PCDHGA1: variants seen among roughly 807,000 people sequenced by gnomAD.
PCDHGA1 encodes the protein protocadherin gamma subfamily A, 1.
PCDHGA1 carries 32 observed loss-of-function variants against 58.0 expected under a neutral mutation model. The ratio of observed to expected loss-of-function variants is 0.55; its 90% CI spans 0.42 to 0.74. The LOEUF is 0.74. Among genes scored for constraint, PCDHGA1 ranks in the 30% least tolerant of loss-of-function variants. The probability of loss-of-function intolerance (pLI) is 0.00; values close to 1 mark genes in which losing one functional copy is unlikely to be tolerated. For missense variants in PCDHGA1, 1,205 were observed against 1,182.3 expected (o/e 1.02, Z -0.28); for synonymous variants, 498 against 501.1 (o/e 0.99, Z 0.08).
At chr5:141,450,587 A>G (rs1396203849) in intron 1 of PCDHGA1, among the ~76,000 whole-genome samples, 1 of 151,720 alleles carries the variant, frequency 6.6e-6, no homozygotes, top group East Asian at 1.9e-4. Flanking sequence ...CCCAGGTTCA[A>G]GCAATTCTCC....
chr5:141,400,402 G>T (rs574141234), intron 1 of PCDHGA1: 2 of 1,614,056 alleles, frequency 1.2e-6, no homozygotes, highest in South Asian at 2.2e-5. Context: ...AGGAAAGACG[G>T]AGTTTAATTT....
chr5:141,357,700 A>G (rs1760703267), intron 1 of PCDHGA1: 1 of 1,495,926 alleles, frequency 6.7e-7, no homozygotes, highest in Non-Finnish European at 9.0e-7. Context: ...TTTTATATGT[A>G]ATATATCAAA....
intron 1 of PCDHGA1, chr5:141,395,325 G>T (rs1261775810): frequency 6.8e-7 from 1 of 1,473,892 alleles, no homozygotes; most frequent in Admixed American, 2.5e-5. Context: ...GAAGATAGTT[G>T]AAAATAATTT....
chr5:141,508,451 C>T (rs1245251907), intron 3 of PCDHGA1, among the ~76,000 whole-genome samples: 1 of 152,180 alleles, frequency 6.6e-6, no homozygotes, highest in Admixed American at 6.5e-5. Flanking sequence ...AGTGGCAGAG[C>T]AGAGCAAATA....
intron 1 of PCDHGA1, chr5:141,356,550 C>G (rs954388230): frequency 5.6e-6 from 9 of 1,614,054 alleles, no homozygotes; most frequent in Non-Finnish European, 7.6e-6. Flanking sequence ...ACAACCCACC[C>G]ACTTTCCCTC....
chr5:141,407,135 GA>G (rs796659459), intron 1 of PCDHGA1, among the ~76,000 whole-genome samples: 93 of 151,930 alleles, frequency 6.1e-4, no homozygotes, highest in African/African-American at 2.2e-3. Flanking sequence ...TTATTTTTAA[GA>G]AAAAAAAGCT....
chr5:141,357,787 T>G lies in PCDHGA1; in HGVS notation c.2421+24682T>G, dbSNP rs1268213946. Reference sequence around the variant, plus strand: ...CCTTCCAATAATGATCAACAGTATTTACCACACAAAAATGTTGTTTATTAC... The same window carrying G: ...CCTTCCAATAATGATCAACAGTATTGACCACACAAAAATGTTGTTTATTAC... On this transcript the variant is annotated intron_variant, in intron 1 of 3. Coordinates refer to ENST00000517417, the MANE Select transcript of PCDHGA1 (RefSeq NM_018912.3). 7 of 844,904 alleles carry G rather than the reference T, an allele frequency of 8.3e-6. No homozygotes were observed. In the Admixed American group the frequency reaches 1.5e-4, roughly 18 times the overall value. 52.3% of individuals were successfully genotyped at this position (844,904 alleles called of 1,614,324 possible).
chr5:141,419,522 C>A, intron 1 of PCDHGA1: 4 of 1,612,178 alleles, frequency 2.5e-6, no homozygotes, highest in Non-Finnish European at 3.4e-6. Context: ...GGTGGGCGAC[C>A]GTAACGACAA....
At chr5:141,346,365 A>G (rs777812377) in intron 1 of PCDHGA1, 2 of 1,614,246 alleles carry the variant, frequency 1.2e-6, no homozygotes. Context: ...CTATGCGGAC[A>G]CGCTCATCAG....
chr5:141,344,603 G>GT, intron 1 of PCDHGA1: 1 of 1,613,990 alleles, frequency 6.2e-7, no homozygotes, highest in Admixed American at 1.7e-5. Context: ...AGGGGGCCAA[G>GT]TATCCAGAGC....
chr5:141,366,268 C>G, intron 1 of PCDHGA1: 2 of 1,613,720 alleles, frequency 1.2e-6, no homozygotes, highest in Non-Finnish European at 1.7e-6. Flanking sequence ...TGGTGGCCGT[C>G]GAAGACCATG....
At chr5:141,370,896 C>G in intron 1 of PCDHGA1, 1 of 1,614,040 alleles carries the variant, frequency 6.2e-7, no homozygotes, top group Non-Finnish European at 8.5e-7. Context: ...CAATTCGCTG[C>G]AGCAGTACTA....
At chr5:141,348,551 T>C (rs1372189224) in intron 1 of PCDHGA1, among the ~76,000 whole-genome samples, 1 of 152,218 alleles carries the variant, frequency 6.6e-6, no homozygotes, top group African/African-American at 2.4e-5. Flanking sequence ...CTAAGAATTC[T>C]ATATGAAACA....
chr5:141,405,431 T>C (rs1308544171), intron 1 of PCDHGA1: 18 of 1,490,646 alleles, frequency 1.2e-5, no homozygotes, highest in Non-Finnish European at 1.6e-5. Context: ...TGTTTTGTTT[T>C]GTTTTTGAGA....
intron 1 of PCDHGA1, chr5:141,344,306 C>G (rs1434323489): frequency 1.2e-6 from 2 of 1,614,044 alleles, no homozygotes; most frequent in Non-Finnish European, 8.5e-7. Context: ...AGAGGATAGA[C>G]CGGGAGGAGC....
intron 1 of PCDHGA1, chr5:141,352,807 T>C (rs1759114725): frequency 1.2e-6 from 1 of 866,934 alleles, no homozygotes; most frequent in Non-Finnish European, 1.7e-6. Context: ...ATAGCCAAGA[T>C]GGTAAAACCC....
intron 1 of PCDHGA1, chr5:141,384,884 T>C (rs759644846): frequency 6.2e-7 from 1 of 1,613,846 alleles, no homozygotes; most frequent in East Asian, 2.2e-5. Context: ...ACACTCACCG[T>C]GGCTGTGGCT....
chr5:141,413,230 C>T (rs2095618383), intron 1 of PCDHGA1: 4 of 1,613,826 alleles, frequency 2.5e-6, no homozygotes, highest in Non-Finnish European at 3.4e-6. Flanking sequence ...CGGGCTGGTC[C>T]TGCTCTGCCT....
At position 141,356,330 on chromosome 5, in the gene PCDHGA1, G is replaced by A. The variant is rs1191042860; in HGVS notation, c.2421+23225G>A. On this transcript the variant is annotated intron_variant, in intron 1 of 3. Coordinates refer to ENST00000517417, the MANE Select transcript of PCDHGA1 (RefSeq NM_018912.3). ...TTCAACGTGCATGACAGTGACTCAG[G>A]AGGAAATGGCCTAGTCACATGTTCT... 5 of 1,554,374 alleles carry A rather than the reference G, an allele frequency of 3.2e-6. No individual in the cohort carries two copies. In the South Asian group the frequency reaches 3.5e-5, roughly 11 times the overall value.
Sources: gnomAD v4.1 joint callset for allele counts (sites outside exome capture counted in the v4.1 genomes callset) on GRCh38, gnomAD v4.1.1 for gene constraint, MANE v1.5 for transcripts, NCBI Gene and HGNC (gene_info 2026-07-23, HGNC 2026-07-21) for gene names.